The following DPF3 variants were observed in gnomAD, a reference collection of about 807,000 sequenced individuals.
The protein encoded by DPF3 is double PHD fingers 3.
Under a neutral mutation model 56.8 loss-of-function variants are expected in DPF3, and 18 were observed. The ratio of observed to expected loss-of-function variants is 0.32; its 90% CI spans 0.22 to 0.47. The LOEUF (loss-of-function observed/expected upper bound fraction) is 0.47, where lower values mean the gene tolerates loss of function less well. Ranked by LOEUF, DPF3 falls within the 20% of genes least tolerant of loss-of-function variation. DPF3 has a pLI of 1.00. For synonymous variants in DPF3, 188 were observed against 180.2 expected (o/e 1.04, Z -0.35); for missense variants, 403 against 488.8 (o/e 0.82, Z 1.65).
intron 2 of DPF3, among the ~76,000 whole-genome samples, chr14:72,754,366 T>G (rs916618285): frequency 3.9e-5 from 6 of 152,154 alleles, no homozygotes; most frequent in Admixed American, 6.5e-5. Flanking sequence ...AAATCCCTAA[T>G]AGGAAGAAAA....
chr14:72,810,178 A>G (rs1347752665), intron 1 of DPF3, among the ~76,000 whole-genome samples: 1 of 152,206 alleles, frequency 6.6e-6, no homozygotes, highest in Non-Finnish European at 1.5e-5. Context: ...AGGGCAGCGG[A>G]GTGCTGAGAC....
intron 1 of DPF3, among the ~76,000 whole-genome samples, chr14:72,857,870 A>C (rs1567259007): frequency 6.6e-6 from 1 of 152,110 alleles, no homozygotes; most frequent in Non-Finnish European, 1.5e-5. Context: ...TACAGGCGTG[A>C]GCCACCACGC....
At chr14:72,842,180 A>G (rs960973757) in intron 1 of DPF3, among the ~76,000 whole-genome samples, 3 of 152,042 alleles carry the variant, frequency 2.0e-5, no homozygotes, top group African/African-American at 7.2e-5. Flanking sequence ...CCCTTTGGAA[A>G]AGGATTCAGC....
intron 1 of DPF3, among the ~76,000 whole-genome samples, chr14:72,849,721 A>G (rs1884898711): frequency 6.6e-6 from 1 of 152,170 alleles, no homozygotes; most frequent in Non-Finnish European, 1.5e-5. Context: ...CCTTTATCCC[A>G]GAGGTTGGGA....
chr14:72,665,951 G>A (rs1473370425), intron 8 of DPF3, among the ~76,000 whole-genome samples: 1 of 152,168 alleles, frequency 6.6e-6, no homozygotes, highest in South Asian at 2.1e-4. Flanking sequence ...TTCCAGTGGT[G>A]AGATACTTTG....
At chr14:72,873,347 G>A (rs1885977779) in intron 1 of DPF3, among the ~76,000 whole-genome samples, 1 of 152,210 alleles carries the variant, frequency 6.6e-6, no homozygotes, top group African/African-American at 2.4e-5. Context: ...GGCCATCAGA[G>A]AAATGCAAAT....
chr14:72,627,296 G>A (rs1884891489), intron 9 of DPF3, among the ~76,000 whole-genome samples: 1 of 152,058 alleles, frequency 6.6e-6, no homozygotes, highest in South Asian at 2.1e-4. Context: ...TGTACATTTA[G>A]ATCCCCAATG....
intron 8 of DPF3, among the ~76,000 whole-genome samples, chr14:72,648,288 G>A (rs569384991): frequency 2.0e-5 from 3 of 152,270 alleles, no homozygotes; most frequent in Admixed American, 6.5e-5. Flanking sequence ...TGCGCCAGGC[G>A]TGGAGGCTCA....
intron 1 of DPF3, among the ~76,000 whole-genome samples, chr14:72,886,076 A>G (rs1365780710): frequency 6.6e-6 from 1 of 152,188 alleles, no homozygotes; most frequent in African/African-American, 2.4e-5. Context: ...CGGGATGATG[A>G]AAAGGGTCTG....
chr14:72,695,936 T>C (rs900907902), intron 6 of DPF3, among the ~76,000 whole-genome samples: 3 of 152,156 alleles, frequency 2.0e-5, no homozygotes, highest in South Asian at 4.1e-4. Flanking sequence ...AAAATTAAAA[T>C]AAAATAAAAT....
intron 7 of DPF3, among the ~76,000 whole-genome samples, chr14:72,687,921 C>T (rs1887481706): frequency 6.6e-6 from 1 of 151,880 alleles, no homozygotes; most frequent in Non-Finnish European, 1.5e-5. Flanking sequence ...GCTAATGCCA[C>T]ACTTGGAATA....
At chr14:72,761,907 A>G (rs571949772) in intron 2 of DPF3, among the ~76,000 whole-genome samples, 1 of 151,988 alleles carries the variant, frequency 6.6e-6, no homozygotes, top group South Asian at 2.1e-4. Context: ...TAAAAGAGTA[A>G]TGCAGCAATA....
At chr14:72,671,521 G>A (rs1245722048) in intron 8 of DPF3, 3 of 884,078 alleles carry the variant, frequency 3.4e-6, no homozygotes, top group South Asian at 1.3e-5. Context: ...CATTTCCAGG[G>A]AAGAGGCTTC....
intron 3 of DPF3, among the ~76,000 whole-genome samples, chr14:72,733,761 G>A (rs1250881430): frequency 6.6e-6 from 1 of 152,146 alleles, no homozygotes; most frequent in Non-Finnish European, 1.5e-5. Flanking sequence ...ACTGGGCTCT[G>A]TCCTGACTCC....
intron 1 of DPF3, among the ~76,000 whole-genome samples, chr14:72,780,770 C>T (rs1267459855): frequency 7.7e-6 from 1 of 129,910 alleles, no homozygotes; most frequent in Non-Finnish European, 1.6e-5. Context: ...CATTCTCCTT[C>T]TCTGAACTTT....
chr14:72,727,786 G>A (rs1232902593), intron 4 of DPF3, among the ~76,000 whole-genome samples: 1 of 152,198 alleles, frequency 6.6e-6, no homozygotes, highest in Non-Finnish European at 1.5e-5. Flanking sequence ...TGCCTGCACA[G>A]AGGAAGCCCT....
At chr14:72,623,373 G>A (rs1006005450) in intron 9 of DPF3, among the ~76,000 whole-genome samples, 1 of 152,114 alleles carries the variant, frequency 6.6e-6, no homozygotes, top group Non-Finnish European at 1.5e-5. Flanking sequence ...CCAATTGGTA[G>A]CATAACCACA....
At chr14:72,720,919 A>T (rs1166382654) in intron 5 of DPF3, among the ~76,000 whole-genome samples, 1 of 152,196 alleles carries the variant, frequency 6.6e-6, no homozygotes, top group Non-Finnish European at 1.5e-5. Flanking sequence ...AATTTTAATA[A>T]TATATTTTAT....
chr14:72,687,713 A>G (rs978020429), intron 7 of DPF3, among the ~76,000 whole-genome samples: 1 of 152,096 alleles, frequency 6.6e-6, no homozygotes, highest in African/African-American at 2.4e-5. Context: ...TCATTCTCCA[A>G]TGGCTAACTT....
Sources: allele counts gnomAD v4.1 joint callset (sites outside exome capture counted in the v4.1 genomes callset), GRCh38; gene constraint gnomAD v4.1.1; transcripts MANE v1.5; gene names NCBI Gene and HGNC (gene_info 2026-07-23, HGNC 2026-07-21).